Variants in CELF2 observed in about 807,000 individuals in gnomAD.
The protein encoded by CELF2 is CUG triplet repeat RNA-binding protein 2.
A neutral mutation model predicts 62.6 loss-of-function variants in CELF2; 8 were observed. That is an observed-to-expected ratio of 0.13 (90% CI 0.07 to 0.23). CELF2 has a LOEUF of 0.23. Among genes scored for constraint, CELF2 ranks in the 10% least tolerant of loss-of-function variants. The pLI is 1.00. For missense variants in CELF2, 333 were observed against 671.0 expected, an observed-to-expected ratio of 0.50 and a Z score of 5.56; for synonymous variants, 258 against 250.0, an observed-to-expected ratio of 1.03 and a Z score of -0.30.
chr10:10,830,876 A>G (rs958612277), intron 1 of CELF2, among the ~76,000 whole-genome samples: 1 of 152,214 alleles, frequency 6.6e-6, no homozygotes, highest in African/African-American at 2.4e-5. Context: ...AGTGGTACAC[A>G]TCTGTCAATG....
At chr10:11,232,046 G>T (rs1271764186) in intron 3 of CELF2, among the ~76,000 whole-genome samples, 1 of 151,988 alleles carries the variant, frequency 6.6e-6, no homozygotes, top group Non-Finnish European at 1.5e-5. Context: ...CAACGTGCAG[G>T]TTTGTTACTT....
intron 1 of CELF2, among the ~76,000 whole-genome samples, chr10:10,865,419 C>T (rs1166409835): frequency 2.0e-5 from 3 of 152,156 alleles, no homozygotes; most frequent in South Asian, 4.1e-4. Flanking sequence ...TGAATTTGCT[C>T]CTGTTTAATA....
the CELF2 span, among the ~76,000 whole-genome samples, chr10:10,493,207 T>C: frequency 6.6e-6 from 1 of 152,168 alleles, no homozygotes; most frequent in Non-Finnish European, 1.5e-5. Flanking sequence ...CGATTTTTCT[T>C]AAATGAGGCA....
At chr10:10,659,079 A>C in the CELF2 span, among the ~76,000 whole-genome samples, 1 of 152,246 alleles carries the variant, frequency 6.6e-6, no homozygotes, top group South Asian at 2.1e-4. Context: ...ATCAAACAGA[A>C]GCTACCTAGA....
the CELF2 span, among the ~76,000 whole-genome samples, chr10:10,592,776 G>A: frequency 6.6e-6 from 1 of 152,104 alleles, no homozygotes; most frequent in African/African-American, 2.4e-5. Context: ...CTCTGCTAGA[G>A]GTTGGGGGTA....
Position 11,226,474 on chromosome 10 carries a change from C to G in CELF2, c.354+8967C>G, listed in dbSNP as rs528912851. Among the ~76,000 whole-genome samples, 3 of 152,334 alleles carry G rather than the reference C, an allele frequency of 2.0e-5. No homozygotes were observed. The East Asian group carries it at 5.8e-4, about 29-fold the overall frequency. ...GTAAATCTAAATCCTCAGTCCTGCC[C>G]CACTCCTGCAGCTCGTCATAGATGT... is the stretch of plus-strand genomic sequence containing the variant. On this transcript the variant is annotated intron_variant, in intron 3 of 12. Transcript: ENST00000633077.
chr10:11,151,281 T>TA (rs757855437), intron 1 of CELF2, among the ~76,000 whole-genome samples: 32 of 152,342 alleles, frequency 2.1e-4, no homozygotes, highest in Non-Finnish European at 3.7e-4. Flanking sequence ...TGGCCCCTAT[T>TA]AAAGAACCAT....
intron 1 of CELF2, among the ~76,000 whole-genome samples, chr10:10,873,271 G>A (rs536955292): frequency 6.6e-6 from 1 of 151,948 alleles, no homozygotes; most frequent in Non-Finnish European, 1.5e-5. Context: ...CAAAATCAAT[G>A]TTTTTTAATT....
intron 2 of CELF2, among the ~76,000 whole-genome samples, chr10:11,188,983 T>C (rs1197030545): frequency 6.6e-6 from 1 of 152,230 alleles, no homozygotes; most frequent in South Asian, 2.1e-4. Flanking sequence ...TTCTTAGATC[T>C]TCCAGGTCTC....
At position 11,049,120 on chromosome 10, in the gene CELF2, G is replaced by GT. The variant is rs2063403183; in HGVS notation, c.74+30959dup. On this transcript the variant is annotated intron_variant, in intron 1 of 12. Coordinates refer to ENST00000633077, the MANE Select transcript of CELF2 (RefSeq NM_001326342.2). ...TATGTAACCTTGAACAAACTGTTCTGTTAAAAAAAAAAAAAGTCTTTTTCC... is the reference window on the plus strand; with the variant it reads ...TATGTAACCTTGAACAAACTGTTCTGTTTAAAAAAAAAAAAAGTCTTTTTCC... Among the ~76,000 whole-genome samples, 3 of 76,898 alleles carry GT rather than the reference G, an allele frequency of 3.9e-5. No individual in the cohort carries two copies. The Admixed American group carries it at 4.3e-4, about 11-fold the overall frequency. 50.4% of individuals were successfully genotyped at this position (76,898 alleles called of 152,430 possible).
intron 9 of CELF2, among the ~76,000 whole-genome samples, chr10:11,295,913 G>A (rs2093119503): frequency 9.2e-5 from 14 of 152,180 alleles, no homozygotes; most frequent in Admixed American, 8.5e-4. Flanking sequence ...TCTGCCTAGT[G>A]AGTGGATGGA....
the CELF2 span, among the ~76,000 whole-genome samples, chr10:10,767,716 G>T: frequency 3.3e-5 from 5 of 152,150 alleles, no homozygotes; most frequent in Non-Finnish European, 7.3e-5. Flanking sequence ...ATATTTGCTG[G>T]CTGGGCACAG....
chr10:10,752,041 G>C, the CELF2 span, among the ~76,000 whole-genome samples: 2 of 152,174 alleles, frequency 1.3e-5, no homozygotes, highest in Non-Finnish European at 2.9e-5. Flanking sequence ...TTGATGAAGG[G>C]GAAGTTTTAC....
At chr10:11,014,539 G>A (rs1255147115), upstream of CELF2, among the ~76,000 whole-genome samples, 1 of 152,150 alleles carries the variant, frequency 6.6e-6, no homozygotes, top group African/African-American at 2.4e-5. Context: ...ATTGAGTGAG[G>A]TGGCAGGAAA....
At chr10:11,142,052 C>T (rs376255172) in intron 1 of CELF2, among the ~76,000 whole-genome samples, 2 of 152,230 alleles carry the variant, frequency 1.3e-5, no homozygotes, top group Non-Finnish European at 2.9e-5. Context: ...TACTTTCCCA[C>T]TTGTTAAGTA....
chr10:10,910,583 C>T (rs1038755354), intron 1 of CELF2, among the ~76,000 whole-genome samples: 2 of 151,184 alleles, frequency 1.3e-5, no homozygotes, highest in Non-Finnish European at 2.9e-5. Context: ...GTCATCCCAG[C>T]TAGCTACCTG....
chr10:11,100,978 G>A (rs1056607905), intron 1 of CELF2, among the ~76,000 whole-genome samples: 1 of 152,162 alleles, frequency 6.6e-6, no homozygotes, highest in African/African-American at 2.4e-5. Flanking sequence ...ACACCTTTGG[G>A]GCTGTCTAGT....
chr10:11,132,099 A>G (rs1005248877), intron 1 of CELF2, among the ~76,000 whole-genome samples: 7 of 152,252 alleles, frequency 4.6e-5, no homozygotes, highest in Non-Finnish European at 1.0e-4. Context: ...TCTGTCCTCA[A>G]GTTATCCACT....
the CELF2 span, among the ~76,000 whole-genome samples, chr10:10,607,472 AC>A: frequency 1.3e-5 from 2 of 152,116 alleles, no homozygotes; most frequent in African/African-American, 4.8e-5. Flanking sequence ...GTGTATAGAA[AC>A]CCATTCTAAA....
Sources: allele counts gnomAD v4.1 joint callset (sites outside exome capture counted in the v4.1 genomes callset), GRCh38; gene constraint gnomAD v4.1.1; transcripts MANE v1.5; gene names NCBI Gene and HGNC (gene_info 2026-07-23, HGNC 2026-07-21).